The following ST6GALNAC5 variants were observed in gnomAD, a reference collection of about 807,000 sequenced individuals.
The protein encoded by ST6GALNAC5 is ST6 N-acetylgalactosaminide alpha-2,6-sialyltransferase 5.
ST6GALNAC5 carries 27 observed loss-of-function variants against 33.6 expected under a neutral mutation model. The ratio of observed to expected loss-of-function variants is 0.80; its 90% CI spans 0.59 to 1.11. The LOEUF (loss-of-function observed/expected upper bound fraction) is 1.11, where lower values mean the gene tolerates loss of function less well. ST6GALNAC5 is among the 50% of genes least tolerant of loss of function. The pLI is 0.00. For missense variants in ST6GALNAC5, 428 were observed against 454.0 expected (o/e 0.94, Z 0.52); for synonymous variants, 194 against 171.2 (o/e 1.13, Z -1.04).
At position 77,063,296 on chromosome 1, in the gene ST6GALNAC5, A is replaced by G; in HGVS notation, c.*90A>G. On this transcript the variant is annotated 3_prime_UTR_variant, in exon 5 of 5. Coordinates refer to ENST00000477717, the MANE Select transcript of ST6GALNAC5 (RefSeq NM_030965.3). The stretch of plus-strand genomic sequence containing the variant: ...CCTGAGCCACCAGACAGGAAAGGGT[A>G]GCAGAAAACAGCTTCACTCCTCAGG... 1.8e-6 allele frequency: 2 copies of G among 1,125,822 alleles called. No homozygotes were observed. The highest frequency in any genetic ancestry group is 2.6e-6 in the Non-Finnish European group (2 of 770,498). 69.7% of individuals were successfully genotyped at this position (1,125,822 alleles called of 1,614,324 possible).
chr1:76,868,591 C>CA lies in ST6GALNAC5; in HGVS notation c.110_111insA (p.Gln38AlafsTer78). ...CTCGGCGGCCAGAAGGAGCGGCCCC[C>CA]GCAGCAGCAGCAGCAGCAGCAGCAA... On this transcript the variant is annotated frameshift_variant, in exon 2 of 5. Coordinates refer to ENST00000477717, the MANE Select transcript of ST6GALNAC5 (RefSeq NM_030965.3). LOFTEE classifies it high-confidence loss of function. This position sits in a 1 kb window ranked among gnomAD's most constrained non-coding sequence, Gnocchi z 4.3. The CA allele has an allele frequency of 6.2e-7, 1 of 1,609,736 alleles. No individual in the cohort carries two copies.
intron 2 of ST6GALNAC5, among the ~76,000 whole-genome samples, chr1:76,878,107 C>T (rs1653689507): frequency 6.6e-6 from 1 of 152,206 alleles, no homozygotes; most frequent in South Asian, 2.1e-4. Context: ...GTAGGACTCA[C>T]CACCTCTGCA....
intron 2 of ST6GALNAC5, among the ~76,000 whole-genome samples, chr1:76,907,879 A>T (rs1698825): frequency 0.021 from 3,242 of 152,162 alleles, 104 homozygotes; most frequent in African/African-American, 0.075. Context: ...TATTTGGTTC[A>T]TGGTTTCATA....
In ST6GALNAC5 at chr1:76,902,439, G is replaced by A. The variant is rs75685240; in HGVS notation, c.261+33697G>A. Among the ~76,000 whole-genome samples the A allele has an allele frequency of 2.9e-3, 438 of 152,182 alleles. 1 individual carries two copies. Among genetic ancestry groups the A allele is most frequent in the African/African-American group, 0.01 (423 of 41,552 alleles). ...ATTTTAATCTTGTTAAGATAATAGT[G>A]CTCCTCAAATAGATCTAAAGATTCA... On this transcript the variant is annotated intron_variant, in intron 2 of 4. Coordinates refer to ENST00000477717, the MANE Select transcript of ST6GALNAC5 (RefSeq NM_030965.3).
At chr1:77,004,287 C>T (rs1218417716) in intron 2 of ST6GALNAC5, among the ~76,000 whole-genome samples, 1 of 150,354 alleles carries the variant, frequency 6.7e-6, no homozygotes, top group Non-Finnish European at 1.5e-5. Flanking sequence ...ATCGCATCAG[C>T]TCCTGAGGCT....
intron 2 of ST6GALNAC5, among the ~76,000 whole-genome samples, chr1:76,980,519 A>G (rs553076951): frequency 2.6e-5 from 4 of 152,280 alleles, no homozygotes; most frequent in South Asian, 4.1e-4. Flanking sequence ...GTCATTTAGC[A>G]CTATATATTT....
chr1:76,994,923 C>T (rs1331645757), intron 2 of ST6GALNAC5, among the ~76,000 whole-genome samples: 1 of 152,156 alleles, frequency 6.6e-6, no homozygotes, highest in Non-Finnish European at 1.5e-5. Context: ...AAACACCAAC[C>T]TCTTTCATGC....
intron 2 of ST6GALNAC5, among the ~76,000 whole-genome samples, chr1:76,977,358 CACA>C (rs1324872403): frequency 1.2e-4 from 18 of 152,082 alleles, no homozygotes. Context: ...TTGAAATGTA[CACA>C]ACATTGTTAT....
chr1:77,040,582 G>T (rs964086955), intron 2 of ST6GALNAC5, among the ~76,000 whole-genome samples: 2 of 152,084 alleles, frequency 1.3e-5, no homozygotes, highest in Admixed American at 1.3e-4. Context: ...AAGAGAGAGC[G>T]CCAGGTCCTT....
intron 2 of ST6GALNAC5, among the ~76,000 whole-genome samples, chr1:76,895,718 A>G (rs1654116508): frequency 6.6e-6 from 1 of 152,212 alleles, no homozygotes; most frequent in Non-Finnish European, 1.5e-5. Flanking sequence ...AGTGTAAACA[A>G]GAGCAGGGCA....
intron 4 of ST6GALNAC5, among the ~76,000 whole-genome samples, chr1:77,060,756 G>A (rs991421770): frequency 6.6e-6 from 1 of 152,036 alleles, no homozygotes; most frequent in African/African-American, 2.4e-5. Flanking sequence ...ATCTTTAGCT[G>A]GTTTCCAATT....
chr1:76,988,032 A>G (rs1216790879), intron 2 of ST6GALNAC5, among the ~76,000 whole-genome samples: 2 of 152,152 alleles, frequency 1.3e-5, no homozygotes, highest in Admixed American at 6.6e-5. Flanking sequence ...GATGTTTAAT[A>G]TAGTCCCAAA....
At chr1:76,947,492 T>C (rs192858893) in intron 2 of ST6GALNAC5, among the ~76,000 whole-genome samples, 1 of 151,988 alleles carries the variant, frequency 6.6e-6, no homozygotes, top group African/African-American at 2.4e-5. Flanking sequence ...TCCCAGCACT[T>C]TGGGAGACTG....
intron 2 of ST6GALNAC5, among the ~76,000 whole-genome samples, chr1:77,017,552 C>T (rs1024331915): frequency 6.6e-6 from 1 of 152,120 alleles, no homozygotes; most frequent in African/African-American, 2.4e-5. Context: ...GATCCAGGTC[C>T]TCTGAGTTTT....
intron 2 of ST6GALNAC5, among the ~76,000 whole-genome samples, chr1:76,905,025 T>TTATATGAGGTGTTCACTTTA (rs1646852016): frequency 6.6e-6 from 1 of 152,074 alleles, no homozygotes; most frequent in African/African-American, 2.4e-5. Context: ...AGGGTGCTGT[T>TTATATGAGGTGTTCACTTTA]TATATGAGGT....
intron 2 of ST6GALNAC5, among the ~76,000 whole-genome samples, chr1:76,975,746 G>A (rs980048600): frequency 1.1e-4 from 16 of 152,232 alleles, no homozygotes; most frequent in South Asian, 4.1e-4. Flanking sequence ...TTAGGAATGC[G>A]TATTTTAAGG....
At chr1:77,001,648 T>G (rs2100410502) in intron 2 of ST6GALNAC5, among the ~76,000 whole-genome samples, 1 of 152,262 alleles carries the variant, frequency 6.6e-6, no homozygotes, top group South Asian at 2.1e-4. Context: ...ATAGCTCTTA[T>G]TTTGAAATAC....
At chr1:76,948,576 G>A (rs1360795889) in intron 2 of ST6GALNAC5, among the ~76,000 whole-genome samples, 6 of 135,078 alleles carry the variant, frequency 4.4e-5, no homozygotes, top group Admixed American at 7.8e-5. Flanking sequence ...AGAGAGGTAT[G>A]GGAGTGGGGA....
intron 2 of ST6GALNAC5, among the ~76,000 whole-genome samples, chr1:76,929,353 C>T (rs1002973802): frequency 2.0e-5 from 3 of 152,048 alleles, no homozygotes; most frequent in South Asian, 2.1e-4. Flanking sequence ...CCAACCTGGC[C>T]GAGACCGTGA....
Sources: allele counts gnomAD v4.1 joint callset (sites outside exome capture counted in the v4.1 genomes callset), GRCh38; gene constraint gnomAD v4.1.1; non-coding constraint Gnocchi (gnomAD v3.1); transcripts MANE v1.5; gene names NCBI Gene and HGNC (gene_info 2026-07-23, HGNC 2026-07-21).